Variants in ZSWIM6 observed in about 807,000 individuals in gnomAD.
ZSWIM6 encodes zinc finger SWIM domain-containing protein 6.
A neutral mutation model predicts 113.2 loss-of-function variants in ZSWIM6; 9 were observed. The ratio of observed to expected loss-of-function variants is 0.08; its 90% CI spans 0.05 to 0.14. The LOEUF (loss-of-function observed/expected upper bound fraction) is 0.14, where lower values mean the gene tolerates loss of function less well. Ranked by LOEUF, ZSWIM6 falls within the 10% of genes least tolerant of loss-of-function variation. The pLI is 1.00. For synonymous variants in ZSWIM6, 611 were observed against 606.5 expected (o/e 1.01, Z -0.11); for missense variants, 1,162 against 1,552.2 (o/e 0.75, Z 4.22).
chr5:61,464,158 A>ATTT (rs869288331), intron 1 of ZSWIM6, among the ~76,000 whole-genome samples: 531 of 43,388 alleles, frequency 0.012, 16 homozygotes, highest in Middle Eastern at 0.029. Context: ...CACCCGGCTA[A>ATTT]TTTTTTTTTT....
chr5:61,433,505 T>C (rs1411706971), intron 1 of ZSWIM6, among the ~76,000 whole-genome samples: 2 of 151,004 alleles, frequency 1.3e-5, no homozygotes, highest in Non-Finnish European at 2.9e-5. Flanking sequence ...AGAGTTTTGC[T>C]CTTGTTGCCC....
chr5:61,389,574 AAAAG>A (rs1304173583), intron 1 of ZSWIM6, among the ~76,000 whole-genome samples: 2 of 151,180 alleles, frequency 1.3e-5, no homozygotes, highest in African/African-American at 2.4e-5. Context: ...AAAAAAAAAA[AAAAG>A]AATCCTGCAG....
chr5:61,525,956 G>A lies in ZSWIM6; in HGVS notation c.1670G>A (p.Arg557His), dbSNP rs139745227. 7.5e-5 allele frequency: 116 copies of A among 1,552,062 alleles called. No homozygotes were observed. The highest frequency in any genetic ancestry group is 5.0e-4 in the Middle Eastern group (3 of 5,994). The change falls in exon 6 of 14, where the codon CGC (arginine) becomes CAC (histidine). Residue 557 changes from arginine to histidine, a missense_variant. Physicochemically the swap from Arg to His is conservative, Grantham distance 29. Around this residue, in one of 4 missense-constraint regions of ZSWIM6, gnomAD observed 620 missense variants for 804.6 expected, o/e 0.77. Coordinates refer to ENST00000252744, the MANE Select transcript of ZSWIM6 (RefSeq NM_020928.2). ...ACTGAAAACTCCCTCTTCGACTCCC[G>A]CGGGTGGCCCCTCTGGCATGGTAAG... ...DDTENSLFDSRGWPLWHEHVP... is the reference protein window; with the variant it reads ...DDTENSLFDSHGWPLWHEHVP...
chr5:61,536,031 G>A (rs925295167), intron 10 of ZSWIM6, among the ~76,000 whole-genome samples: 4 of 152,272 alleles, frequency 2.6e-5, no homozygotes, highest in South Asian at 2.1e-4. Context: ...CTGTAATTCC[G>A]CATTCCATCA....
rs1203392378 is a variant in ZSWIM6 at position 61,448,854 on chromosome 5, G to T, written c.677-23827G>T. ...AGCCTTGACTAGAAATACTGAAGTA[G>T]TCTGAAAAAAATCACAGTTGCAGTA... On this transcript the variant is annotated intron_variant, in intron 1 of 13. Coordinates refer to ENST00000252744, the MANE Select transcript of ZSWIM6 (RefSeq NM_020928.2). Among the ~76,000 whole-genome samples, 3 of 152,198 alleles carry T rather than the reference G, an allele frequency of 2.0e-5. No individual in the cohort carries two copies. The East Asian group carries it at 5.8e-4, about 29-fold the overall frequency.
intron 2 of ZSWIM6, among the ~76,000 whole-genome samples, chr5:61,482,135 C>T (rs887051631): frequency 1.1e-4 from 16 of 152,164 alleles, no homozygotes; most frequent in East Asian, 1.9e-4. Context: ...TATAGACAGC[C>T]GTTAACAAGT....
intron 4 of ZSWIM6, among the ~76,000 whole-genome samples, chr5:61,498,237 T>C (rs1441275219): frequency 6.6e-6 from 1 of 152,218 alleles, no homozygotes; most frequent in Non-Finnish European, 1.5e-5. Flanking sequence ...TTACATAATA[T>C]GTTTTTCCCC....
rs1745542268 is a variant in ZSWIM6 at position 61,384,051 on chromosome 5, C to A, written c.676+51103C>A. 2.7e-5 allele frequency among the ~76,000 whole-genome samples: 4 copies of A among 148,480 alleles called. No individual in the cohort carries two copies. In the South Asian group the frequency reaches 8.5e-4, roughly 32 times the overall value. On this transcript the variant is annotated intron_variant, in intron 1 of 13. Coordinates refer to ENST00000252744, the MANE Select transcript of ZSWIM6 (RefSeq NM_020928.2). The stretch of plus-strand genomic sequence containing the variant: ...GGTCAGGAGATCGAGACCATCCTGG[C>A]TAACAAGGTGAAACCCCGTCTCTAC...
At chr5:61,458,104 T>C (rs1169422755) in intron 1 of ZSWIM6, among the ~76,000 whole-genome samples, 3 of 152,192 alleles carry the variant, frequency 2.0e-5, no homozygotes, top group African/African-American at 7.2e-5. Context: ...CTCTTTGAGG[T>C]TGGATACATA....
At chr5:61,397,133 G>T (rs1269667394) in intron 1 of ZSWIM6, among the ~76,000 whole-genome samples, 1 of 152,140 alleles carries the variant, frequency 6.6e-6, no homozygotes, top group Admixed American at 6.5e-5. Flanking sequence ...AAATAACCAG[G>T]TTTTTCAGTT....
At chr5:61,340,429 C>A (rs887691292) in intron 1 of ZSWIM6, among the ~76,000 whole-genome samples, 3 of 152,118 alleles carry the variant, frequency 2.0e-5, no homozygotes, top group African/African-American at 7.2e-5. Context: ...AATGTTGTAA[C>A]CACATGCATA....
At chr5:61,493,943 A>G (rs2112219086) in intron 3 of ZSWIM6, among the ~76,000 whole-genome samples, 1 of 152,322 alleles carries the variant, frequency 6.6e-6, no homozygotes, top group South Asian at 2.1e-4. Flanking sequence ...CCCAACCAGA[A>G]CATTTTTGTA....
chr5:61,369,918 C>T (rs537758967), intron 1 of ZSWIM6, among the ~76,000 whole-genome samples: 1 of 152,284 alleles, frequency 6.6e-6, no homozygotes, highest in Non-Finnish European at 1.5e-5. Context: ...TTTCACTGGA[C>T]ATCTGAGATG....
chr5:61,414,091 A>G (rs1443198568), intron 1 of ZSWIM6, among the ~76,000 whole-genome samples: 1 of 152,144 alleles, frequency 6.6e-6, no homozygotes, highest in East Asian at 1.9e-4. Flanking sequence ...ATTCCAGTAC[A>G]TTAAAAGGAA....
chr5:61,375,456 C>T (rs1462197015), intron 1 of ZSWIM6: 12 of 1,538,960 alleles, frequency 7.8e-6, no homozygotes, highest in Non-Finnish European at 9.7e-6. Flanking sequence ...CTGATTCTTC[C>T]AGCAGTTCTT....
chr5:61,478,743 A>G (rs1747776319), intron 2 of ZSWIM6, among the ~76,000 whole-genome samples: 1 of 152,078 alleles, frequency 6.6e-6, no homozygotes, highest in South Asian at 2.1e-4. Context: ...TTGTATAGAT[A>G]TAACAGATTC....
intron 1 of ZSWIM6, among the ~76,000 whole-genome samples, chr5:61,369,818 A>G (rs942998745): frequency 2.0e-5 from 3 of 152,214 alleles, no homozygotes; most frequent in Non-Finnish European, 4.4e-5. Context: ...GATTTGCAAT[A>G]TTACTAAAAA....
At chr5:61,428,342 A>G (rs2112132425) in intron 1 of ZSWIM6, among the ~76,000 whole-genome samples, 1 of 152,216 alleles carries the variant, frequency 6.6e-6, no homozygotes, top group East Asian at 1.9e-4. Context: ...CTGAGTTTTA[A>G]GAGCCATTTT....
At chr5:61,372,249 A>G (rs750715406) in intron 1 of ZSWIM6, among the ~76,000 whole-genome samples, 11 of 150,966 alleles carry the variant, frequency 7.3e-5, no homozygotes, top group Non-Finnish European at 1.5e-4. Flanking sequence ...CTCCTTTGAC[A>G]CTGAGCCTTT....
Sources: allele counts gnomAD v4.1 joint callset (sites outside exome capture counted in the v4.1 genomes callset), GRCh38; gene constraint gnomAD v4.1.1; regional missense constraint gnomAD v4.1.1; transcripts MANE v1.5; gene names NCBI Gene and HGNC (gene_info 2026-07-23, HGNC 2026-07-21).